Variants in ACSM3 observed in about 807,000 individuals in gnomAD.
The protein encoded by ACSM3 is acyl-coenzyme A synthetase ACSM3, mitochondrial.
In ACSM3, 61 loss-of-function variants were observed where a neutral mutation model predicts 74.1. The observed-to-expected ratio is 0.82, with a 90% CI of 0.67 to 1.02. The LOEUF is 1.02. Among genes scored for constraint, ACSM3 ranks in the 50% least tolerant of loss-of-function variants. The probability of loss-of-function intolerance (pLI) is 0.00; values close to 1 mark genes in which losing one functional copy is unlikely to be tolerated. For missense variants in ACSM3, 660 were observed against 697.0 expected, an observed-to-expected ratio of 0.95 and a Z score of 0.60; for synonymous variants, 213 against 241.5, an observed-to-expected ratio of 0.88 and a Z score of 1.09.
chr16:20,780,741 G>A lies in ACSM3; in HGVS notation c.666G>A (p.Val222=). ...ATGCCAGTGACAGCCACACCTGTGT[G>A]AAGACAAAACACAATGAGATCATGG... is the stretch of plus-strand genomic sequence containing the variant. ...MKHASDSHTC[V]KTKHNEIMAI... Residue 222 remains valine, a synonymous_variant, in exon 5 of 14, where the codon GTG becomes GTA. Coordinates refer to ENST00000289416, the MANE Select transcript of ACSM3 (RefSeq NM_005622.4). 1 of 1,614,186 alleles carries A rather than the reference G, an allele frequency of 6.2e-7. No individual in the cohort carries two copies. The highest frequency in any genetic ancestry group is 1.1e-5 in the South Asian group (1 of 91,078).
At chr16:20,737,221 C>G (rs1208604768) in intron 1 of ACSM3, 1 of 1,614,184 alleles carries the variant, frequency 6.2e-7, no homozygotes, top group South Asian at 1.1e-5. Flanking sequence ...ATGATTTCTA[C>G]TACCACTGTG....
intron 1 of ACSM3, among the ~76,000 whole-genome samples, chr16:20,730,321 G>A (rs1041020688): frequency 6.6e-6 from 1 of 152,198 alleles, no homozygotes; most frequent in Non-Finnish European, 1.5e-5. Flanking sequence ...CAGAAACAAG[G>A]CAGATAGAAA....
At chr16:20,733,950 GA>G (rs1346435342) in intron 1 of ACSM3, 1 of 151,948 alleles carries the variant, frequency 6.6e-6, no homozygotes, top group African/African-American at 2.4e-5. Flanking sequence ...TCCTACCCTG[GA>G]ATCCCGTCAT....
intron 1 of ACSM3, among the ~76,000 whole-genome samples, chr16:20,716,400 A>G (rs7187591): frequency 0.022 from 3,347 of 152,174 alleles, 58 homozygotes; most frequent in Non-Finnish European, 0.038. Flanking sequence ...AAAGGGTGGA[A>G]GACTGCCCTG....
At chr16:20,706,271 T>C (rs2079727334) in intron 1 of ACSM3, among the ~76,000 whole-genome samples, 1 of 152,116 alleles carries the variant, frequency 6.6e-6, no homozygotes, top group African/African-American at 2.4e-5. Context: ...AGGCATGTCA[T>C]AATCAAACTT....
At chr16:20,756,318 T>C (rs1023571773) in intron 3 of ACSM3, among the ~76,000 whole-genome samples, 1 of 152,096 alleles carries the variant, frequency 6.6e-6, no homozygotes, top group Non-Finnish European at 1.5e-5. Flanking sequence ...TTTTTAATGA[T>C]TGCCATTCTA....
chr16:20,676,733 T>C (rs771798418), intron 1 of ACSM3, among the ~76,000 whole-genome samples: 32 of 152,154 alleles, frequency 2.1e-4, no homozygotes, highest in Middle Eastern at 3.2e-3. Flanking sequence ...AAAAGGCTGG[T>C]TTGGACAGGA....
chr16:20,715,373 G>A lies in ACSM3; in HGVS notation c.-189-34537G>A, dbSNP rs147585949. Among the ~76,000 whole-genome samples, 1,408 of 152,222 alleles carry A rather than the reference G, an allele frequency of 9.2e-3. 12 individuals are homozygous for A. Among genetic ancestry groups the A allele is most frequent in the Middle Eastern group, 0.024 (7 of 294 alleles). On this transcript the variant is annotated intron_variant, in intron 1 of 3. Transcript: ENST00000561584. ...AATCCCAGCACTTTTGGATCCTGGG[G>A]TGGGTGGATCACCTGAGGTCAGGAG...
chr16:20,705,348 G>A (rs996445894), intron 1 of ACSM3, among the ~76,000 whole-genome samples: 1 of 150,970 alleles, frequency 6.6e-6, no homozygotes, highest in African/African-American at 2.4e-5. Flanking sequence ...ACTCCAGCCT[G>A]GGCGACAGAG....
intron 2 of ACSM3, among the ~76,000 whole-genome samples, chr16:20,751,630 G>A (rs1432333953): frequency 6.6e-6 from 1 of 152,112 alleles, no homozygotes; most frequent in Non-Finnish European, 1.5e-5. Flanking sequence ...GCTCGGAGAA[G>A]CCCTGCCATT....
At chr16:20,710,452 A>AT (rs1158195277) in intron 1 of ACSM3, among the ~76,000 whole-genome samples, 1 of 152,232 alleles carries the variant, frequency 6.6e-6, no homozygotes, top group Non-Finnish European at 1.5e-5. Context: ...TGAAAATGAG[A>AT]TAAAAGCATT....
At chr16:20,785,674 G>C (rs979237000) in intron 8 of ACSM3, among the ~76,000 whole-genome samples, 22 of 152,132 alleles carry the variant, frequency 1.4e-4, no homozygotes, top group African/African-American at 4.8e-4. Flanking sequence ...AAATAGATAA[G>C]GGAAAAGTTG....
intron 2 of ACSM3, among the ~76,000 whole-genome samples, chr16:20,753,329 T>C (rs1356205807): frequency 1.3e-5 from 2 of 152,004 alleles, no homozygotes; most frequent in Middle Eastern, 3.4e-3. Context: ...CCAGGCATGG[T>C]GGCACATGCC....
At chr16:20,741,481 G>GGGGGGGGGGGGGGGCCCC in intron 1 of ACSM3, 10 of 1,308,408 alleles carry the variant, frequency 7.6e-6, no homozygotes, top group Non-Finnish European at 8.9e-6. Flanking sequence ...CTGGCAGCCG[G>GGGGGGGGGGGGGGGCCCC]CCCGCCCGCC....
intron 1 of ACSM3, chr16:20,741,461 C>T (rs1230637373): frequency 3.4e-6 from 5 of 1,475,146 alleles, no homozygotes; most frequent in Non-Finnish European, 4.5e-6. Flanking sequence ...CTTCCCTCCT[C>T]CCGCAAGGCC....
intron 1 of ACSM3, among the ~76,000 whole-genome samples, chr16:20,731,197 A>AGTCCTTCCTCCATT (rs1216644305): frequency 2.6e-4 from 39 of 152,270 alleles, no homozygotes; most frequent in Non-Finnish European, 5.3e-4. Flanking sequence ...CAGGATACAC[A>AGTCCTTCCTCCATT]GTCCTTCCTC....
chr16:20,736,831 T>A (rs1567329673), intron 1 of ACSM3: 1 of 1,575,330 alleles, frequency 6.3e-7, no homozygotes, highest in Non-Finnish European at 8.6e-7. Context: ...CCCAGCAACA[T>A]CTCGTAGAGC....
At chr16:20,792,497 T>C in intron 12 of ACSM3, 162 bp downstream of exon 12, 1 of 982,080 alleles carries the variant, frequency 1.0e-6, no homozygotes, top group Non-Finnish European at 1.2e-6. Context: ...AAAATAAGAT[T>C]GAATTATGAG....
intron 2 of ACSM3, among the ~76,000 whole-genome samples, chr16:20,754,570 C>A (rs185338331): frequency 6.6e-6 from 1 of 152,306 alleles, no homozygotes; most frequent in East Asian, 1.9e-4. Context: ...CACATTCACC[C>A]TATAAACACC....
Sources: allele counts gnomAD v4.1 joint callset (sites outside exome capture counted in the v4.1 genomes callset), GRCh38; gene constraint gnomAD v4.1.1; transcripts MANE v1.5; gene names NCBI Gene and HGNC (gene_info 2026-07-23, HGNC 2026-07-21).